The following ADAM2 variants were observed in gnomAD, a reference collection of about 807,000 sequenced individuals.
ADAM2 encodes ADAM metallopeptidase domain 2, also known as disintegrin and metalloproteinase domain-containing protein 2.
A neutral mutation model predicts 99.3 loss-of-function variants in ADAM2; 101 were observed. That is an observed-to-expected ratio of 1.02 (90% confidence interval 0.87 to 1.20). ADAM2 has a LOEUF of 1.20. Among genes scored for constraint, ADAM2 ranks in the 50% most tolerant of loss-of-function variants. The pLI, the probability that ADAM2 is intolerant of heterozygous loss-of-function variation, is 0.00. For synonymous variants in ADAM2, 323 were observed against 287.6 expected, an observed-to-expected ratio of 1.12 and a Z score of -1.25; for missense variants, 948 against 878.7, an observed-to-expected ratio of 1.08 and a Z score of -1.00.
rs1823605991 is a variant in ADAM2 at position 39,749,314 on chromosome 8, G to T, written c.2012C>A (p.Pro671His). Residue 671 changes from proline (P) to histidine (H), a missense_variant and splice_region_variant, in exon 18 of 21, where the codon CCT becomes CAT. Transcript: ENST00000265708. ...TCTGATTTATTATTAATACTTACCA[G>T]GGAGTCTGGCTGGTATAGCTACAGG... ...FPPVAIPARL[P>H]ERRYIENIYH... 6.2e-7 allele frequency: 1 copy of T among 1,606,938 alleles called. No individual in the cohort carries two copies. Among genetic ancestry groups the T allele is most frequent in the South Asian group, 1.1e-5 (1 of 89,978 alleles).
At position 39,788,142 on chromosome 8, in the gene ADAM2, A is replaced by T; in HGVS notation, c.752T>A (p.Leu251Ter). ...AACAAGATAAGATGTTTTCCATCTT[A>T]AAAATGTGTGTAATAACTCATTAGC... ...GEANELLHTF[L>*]RWKTSYLVLR... The change falls in exon 9 of 21, where the codon TTA becomes TAA. Residue 251 changes from leucine to a stop codon, truncating the protein, a stop_gained. Transcript: ENST00000265708. LOFTEE classifies it high-confidence loss of function. The T allele has an allele frequency of 6.3e-7, 1 of 1,584,872 alleles. No homozygotes were observed. Among genetic ancestry groups the T allele is most frequent in the Non-Finnish European group, 8.6e-7 (1 of 1,166,922 alleles).
chr8:39,829,039 A>T (rs1805519100), intron 3 of ADAM2, among the ~76,000 whole-genome samples: 1 of 151,922 alleles, frequency 6.6e-6, no homozygotes, highest in Non-Finnish European at 1.5e-5. Context: ...AAGATAGAAG[A>T]TTCAATAAAG....
chr8:39,834,304 G>A (rs1805730296), intron 2 of ADAM2, among the ~76,000 whole-genome samples: 1 of 151,882 alleles, frequency 6.6e-6, no homozygotes. Flanking sequence ...GTGGAGTCTG[G>A]GGTTTTCTAT....
At chr8:39,803,416 A>G (rs1399329339) in intron 7 of ADAM2, among the ~76,000 whole-genome samples, 2 of 152,254 alleles carry the variant, frequency 1.3e-5, no homozygotes, top group South Asian at 2.1e-4. Context: ...CTCGCAACCA[A>G]TCCCAAGGTG....
intron 10 of ADAM2, among the ~76,000 whole-genome samples, chr8:39,786,262 G>A (rs1311784263): frequency 6.6e-6 from 1 of 152,166 alleles, no homozygotes; most frequent in African/African-American, 2.4e-5. Flanking sequence ...ATACCCAGGT[G>A]ACAAACTTGT....
intron 10 of ADAM2, among the ~76,000 whole-genome samples, chr8:39,785,484 C>T (rs1309583504): frequency 6.6e-6 from 1 of 152,206 alleles, no homozygotes; most frequent in Non-Finnish European, 1.5e-5. Flanking sequence ...TAAAACAGAA[C>T]TACCATTCAA....
chr8:39,824,974 CAGGT>C, intron 3 of ADAM2, 77 bp from the exon 4 acceptor site: 2 of 689,448 alleles, frequency 2.9e-6, no homozygotes, highest in Non-Finnish European at 5.1e-6. Context: ...TAATTATAGA[CAGGT>C]AGGTTGACAC....
At chr8:39,760,856 C>T (rs907932061) in intron 15 of ADAM2, among the ~76,000 whole-genome samples, 4 of 126,758 alleles carry the variant, frequency 3.2e-5, no homozygotes, top group African/African-American at 1.2e-4. Flanking sequence ...GCATTCCAGC[C>T]TAGGCAACAG....
chr8:39,787,997 T>A (rs570448909), intron 9 of ADAM2, 88 bp downstream of exon 9: 29 of 885,328 alleles, frequency 3.3e-5, no homozygotes, highest in South Asian at 2.5e-4. Context: ...TAGATTTTTT[T>A]AATACACATT....
At chr8:39,787,344 A>C (rs1803507049) in intron 9 of ADAM2, among the ~76,000 whole-genome samples, 1 of 151,580 alleles carries the variant, frequency 6.6e-6, no homozygotes, top group East Asian at 1.9e-4. Context: ...TAATAAAAAT[A>C]AATAAAATTC....
At chr8:39,767,080 A>G in intron 13 of ADAM2, 37 bp from the exon 14 acceptor site, 1 of 1,604,392 alleles carries the variant, frequency 6.2e-7, no homozygotes, top group Non-Finnish European at 8.5e-7. Context: ...AATTAAGCAG[A>G]ATGAGAATAC....
At chr8:39,804,806 AT>A (rs1021171203) in intron 7 of ADAM2, among the ~76,000 whole-genome samples, 3 of 152,286 alleles carry the variant, frequency 2.0e-5, no homozygotes, top group Non-Finnish European at 1.5e-5. Context: ...AATGCATGGT[AT>A]TTTGCATTCT....
rs751155616 is a variant in ADAM2 at position 39,769,480 on chromosome 8, G to A, written c.1124C>T (p.Pro375Leu). ...KQKSQCLHNQ[P>L]RLDPFFKQQA... ...CTGTTTGAAAAAAGGATCTAAGCGA[G>A]GCTGATTGTGAAGACACTGGGACTT... is the stretch of plus-strand genomic sequence containing the variant. Residue 375 changes from proline to leucine, a missense_variant, in exon 12 of 21, where the codon CCT (proline) becomes CTT (leucine). By Grantham distance (98) the Pro-to-Leu change is moderately conservative (BLOSUM62 -3). Coordinates refer to ENST00000265708, the MANE Select transcript of ADAM2 (RefSeq NM_001464.5). 1 of 1,613,770 alleles carries A rather than the reference G, an allele frequency of 6.2e-7. No individual in the cohort carries two copies. Among genetic ancestry groups the A allele is most frequent in the Non-Finnish European group, 8.5e-7 (1 of 1,179,702 alleles).
At chr8:39,829,210 A>G (rs1007038383) in intron 3 of ADAM2, among the ~76,000 whole-genome samples, 3 of 152,050 alleles carry the variant, frequency 2.0e-5, no homozygotes, top group African/African-American at 7.2e-5. Context: ...GCCTTTGAGT[A>G]AGAAAGGATT....
At chr8:39,806,278 A>G (rs1032772766) in intron 7 of ADAM2, among the ~76,000 whole-genome samples, 7 of 152,046 alleles carry the variant, frequency 4.6e-5, no homozygotes, top group Non-Finnish European at 1.0e-4. Flanking sequence ...AAAAAATGCA[A>G]AGACATCAGT....
At chr8:39,816,847 C>T (rs1397767537) in intron 6 of ADAM2, among the ~76,000 whole-genome samples, 1 of 152,116 alleles carries the variant, frequency 6.6e-6, no homozygotes, top group African/African-American at 2.4e-5. Context: ...TTCAAGTTTG[C>T]CACCATAATA....
At chr8:39,745,985 GTA>G (rs1186043279) in intron 19 of ADAM2, among the ~76,000 whole-genome samples, 3 of 148,484 alleles carry the variant, frequency 2.0e-5, no homozygotes, top group African/African-American at 5.0e-5. Flanking sequence ...ATATGCATGT[GTA>G]TGTGTGTGTG....
At position 39,755,793 on chromosome 8, in the gene ADAM2, C is replaced by T; in HGVS notation, c.1732G>A (p.Ala578Thr). ...TTTTGGCTGTCTGCATGATCACTGG[C>T]AAATTCCACAGCAATGCAGAGATGT... ...SGHLCIAVEF[A>T]SDHADSQKMW... is the part of the protein sequence containing the mutation. Residue 578 changes from alanine (A) to threonine (T), a missense_variant, in exon 16 of 21, where the codon GCC becomes ACC. Physicochemically the swap from Ala to Thr is moderately conservative, Grantham distance 58. Coordinates refer to ENST00000265708, the MANE Select transcript of ADAM2 (RefSeq NM_001464.5). The T allele has an allele frequency of 1.2e-6, 2 of 1,612,722 alleles. No homozygotes were observed. The highest frequency in any genetic ancestry group is 1.7e-6 in the Non-Finnish European group (2 of 1,179,186).
chr8:39,787,596 G>C (rs983774947), intron 9 of ADAM2, among the ~76,000 whole-genome samples: 1 of 150,218 alleles, frequency 6.7e-6, no homozygotes, highest in Non-Finnish European at 1.5e-5. Context: ...TATATATTCT[G>C]AATATTGATA....
Sources: gnomAD v4.1 joint callset for allele counts (sites outside exome capture counted in the v4.1 genomes callset) on GRCh38, gnomAD v4.1.1 for gene constraint, MANE v1.5 for transcripts, NCBI Gene and HGNC (gene_info 2026-07-23, HGNC 2026-07-21) for gene names.